The following CTNNA2 variants were observed in gnomAD, a reference collection of about 807,000 sequenced individuals.
CTNNA2 encodes catenin alpha 2.
CTNNA2 carries 42 observed loss-of-function variants against 101.0 expected under a neutral mutation model. That is an observed-to-expected ratio of 0.42 (90% CI 0.32 to 0.54). CTNNA2 has a LOEUF of 0.54. Among genes scored for constraint, CTNNA2 ranks in the 20% least tolerant of loss-of-function variants. The probability of loss-of-function intolerance (pLI) is 0.14; values close to 1 mark genes in which losing one functional copy is unlikely to be tolerated. For synonymous variants in CTNNA2, 450 were observed against 456.4 expected (o/e 0.99, Z 0.18); for missense variants, 871 against 1,223.1 (o/e 0.71, Z 4.29).
chr2:80,592,734 C>T (rs1232276798), intron 15 of CTNNA2, among the ~76,000 whole-genome samples: 2 of 151,918 alleles, frequency 1.3e-5, no homozygotes, highest in South Asian at 2.1e-4. Flanking sequence ...TGGAGAGTCA[C>T]ATTTGGTATT....
intron 6 of CTNNA2, among the ~76,000 whole-genome samples, chr2:79,890,567 A>G (rs766984882): frequency 4.4e-4 from 67 of 151,874 alleles, no homozygotes; most frequent in Non-Finnish European, 1.8e-4. Context: ...TACAACCTTA[A>G]TCATGCTTCT....
intron 7 of CTNNA2, among the ~76,000 whole-genome samples, chr2:80,386,496 T>C (rs1384193431): frequency 6.6e-6 from 1 of 152,216 alleles, no homozygotes; most frequent in African/African-American, 2.4e-5. Context: ...GGATATGATT[T>C]CTATATCCAG....
chr2:80,173,105 T>C (rs1247906874), intron 7 of CTNNA2, among the ~76,000 whole-genome samples: 2 of 152,200 alleles, frequency 1.3e-5, no homozygotes, highest in Non-Finnish European at 2.9e-5. Flanking sequence ...TGAGAAGCCA[T>C]GCCTTAACAT....
intron 1 of CTNNA2, among the ~76,000 whole-genome samples, chr2:79,617,543 A>G (rs571307756): frequency 2.1e-4 from 32 of 152,236 alleles, no homozygotes; most frequent in African/African-American, 6.5e-4. Flanking sequence ...TCAGATGTCT[A>G]TGTGATTCTG....
chr2:80,202,143 C>G (rs1365200078), intron 7 of CTNNA2, among the ~76,000 whole-genome samples: 1 of 152,148 alleles, frequency 6.6e-6, no homozygotes, highest in East Asian at 1.9e-4. Context: ...CTTCTCTCCT[C>G]CTCCCTCTTT....
intron 18 of CTNNA2, among the ~76,000 whole-genome samples, chr2:80,632,506 C>T (rs1028110851): frequency 3.3e-5 from 5 of 152,070 alleles, no homozygotes; most frequent in South Asian, 2.1e-4. Context: ...AAGCATGTTT[C>T]CTGTGTTCTA....
At chr2:79,865,518 A>G (rs1196730511) in intron 4 of CTNNA2, among the ~76,000 whole-genome samples, 1 of 152,178 alleles carries the variant, frequency 6.6e-6, no homozygotes, top group East Asian at 1.9e-4. Flanking sequence ...GTCTGTCCAA[A>G]CAGAAATGAT....
At chr2:79,799,982 TG>T in intron 3 of CTNNA2, among the ~76,000 whole-genome samples, 1 of 152,278 alleles carries the variant, frequency 6.6e-6, no homozygotes, top group East Asian at 1.9e-4. Context: ...AGCAATCACA[TG>T]ATCTGAAAGG....
chr2:80,597,741 G>C (rs1205740627), intron 15 of CTNNA2, among the ~76,000 whole-genome samples: 1 of 152,172 alleles, frequency 6.6e-6, no homozygotes, highest in Non-Finnish European at 1.5e-5. Context: ...CTGATCATTA[G>C]AGAAATGCAA....
At position 80,039,367 on chromosome 2, in the gene CTNNA2, G is replaced by A. The variant is rs72924608; in HGVS notation, c.1056+129570G>A. On this transcript the variant is annotated intron_variant, in intron 7 of 18. Transcript: ENST00000402739. The stretch of plus-strand genomic sequence containing the variant: ...ATTTTACTTTGGCTAAAACCAGAAT[G>A]TCCGGGGAAATGTGGAGCCCACGGG... Among the ~76,000 whole-genome samples, 813 of 152,300 alleles carry A rather than the reference G, an allele frequency of 5.3e-3. 12 individuals carry two copies. Among genetic ancestry groups the A allele is most frequent in the African/African-American group, 0.019 (782 of 41,578 alleles).
At chr2:80,324,295 C>A (rs1259300618) in intron 7 of CTNNA2, among the ~76,000 whole-genome samples, 2 of 152,106 alleles carry the variant, frequency 1.3e-5, no homozygotes. Context: ...GGCCGCTGCT[C>A]GCAGTGTGAG....
chr2:80,592,554 A>C (rs536976080), intron 15 of CTNNA2, among the ~76,000 whole-genome samples: 1 of 152,250 alleles, frequency 6.6e-6, no homozygotes, highest in South Asian at 2.1e-4. Context: ...AGTTCTCGAA[A>C]TTCCCCAGAT....
intron 2 of CTNNA2, among the ~76,000 whole-genome samples, chr2:79,689,761 C>T (rs1044065207): frequency 5.3e-5 from 8 of 151,724 alleles, no homozygotes; most frequent in African/African-American, 1.9e-4. Flanking sequence ...AGAATTATAG[C>T]AGAAGAAGAG....
intron 18 of CTNNA2, among the ~76,000 whole-genome samples, chr2:80,639,702 TTTCA>T (rs1364834677): frequency 1.3e-5 from 2 of 152,198 alleles, no homozygotes; most frequent in Non-Finnish European, 2.9e-5. Context: ...TCCTTAATGA[TTTCA>T]TTAATTAGCA....
chr2:79,992,732 C>G (rs1395873162), intron 7 of CTNNA2, among the ~76,000 whole-genome samples: 3 of 152,096 alleles, frequency 2.0e-5, no homozygotes, highest in Non-Finnish European at 4.4e-5. Context: ...TATTGTTGTA[C>G]TTGTAGCTTC....
At chr2:80,328,921 A>G (rs991227829) in intron 7 of CTNNA2, among the ~76,000 whole-genome samples, 2 of 152,164 alleles carry the variant, frequency 1.3e-5, no homozygotes, top group East Asian at 3.9e-4. Context: ...ATGAAGGACC[A>G]TGTATCAGGT....
At chr2:80,380,826 A>G (rs1676450158) in intron 7 of CTNNA2, among the ~76,000 whole-genome samples, 1 of 152,136 alleles carries the variant, frequency 6.6e-6, no homozygotes. Flanking sequence ...CGCTACAGAG[A>G]GCAAAGTGTA....
chr2:80,621,282 A>G (rs899193944), intron 18 of CTNNA2, among the ~76,000 whole-genome samples: 4 of 151,972 alleles, frequency 2.6e-5, no homozygotes, highest in African/African-American at 9.7e-5. Context: ...TTTATGAGAA[A>G]ATGACTGAAT....
chr2:80,175,384 G>A (rs1381399153), intron 7 of CTNNA2, among the ~76,000 whole-genome samples: 1 of 152,104 alleles, frequency 6.6e-6, no homozygotes, highest in Non-Finnish European at 1.5e-5. Context: ...GGCAGGATAC[G>A]CATTAATAAT....
Sources: allele counts gnomAD v4.1 joint callset (sites outside exome capture counted in the v4.1 genomes callset), GRCh38; gene constraint gnomAD v4.1.1; transcripts MANE v1.5; gene names NCBI Gene and HGNC (gene_info 2026-07-23, HGNC 2026-07-21).